GPR39: variants seen among roughly 807,000 people sequenced by gnomAD.
The protein encoded by GPR39 is zinc sensing receptor.
A neutral mutation model predicts 18.4 loss-of-function variants in GPR39; 23 were observed. That is an observed-to-expected ratio of 1.25 (90% confidence interval 0.90 to 1.77). The LOEUF (loss-of-function observed/expected upper bound fraction) is 1.77. GPR39 is among the 40% of genes most tolerant of loss of function. The pLI, the probability that GPR39 is intolerant of heterozygous loss-of-function variation, is 0.00. For missense variants in GPR39, 647 were observed against 602.4 expected (o/e 1.07, Z -0.78); for synonymous variants, 280 against 257.9 (o/e 1.09, Z -0.82).
chr2:132,416,854 G>T lies in GPR39; in HGVS notation c.-189G>T. The T allele has an allele frequency of 1.4e-6, 1 of 735,086 alleles. No individual in the cohort carries two copies. Among genetic ancestry groups the T allele is most frequent in the Non-Finnish European group, 2.2e-6 (1 of 457,932 alleles). The allele number at this position is 735,086 out of a possible 1,614,324, so 45.5% of individuals were successfully genotyped here. On this transcript the variant is annotated 5_prime_UTR_variant, in exon 1 of 2. It adds an upstream start codon to the 5' untranslated region. Coordinates refer to ENST00000329321, the MANE Select transcript of GPR39 (RefSeq NM_001508.3). The stretch of plus-strand genomic sequence containing the variant: ...CCAGGCGCCTCCTGGGCCTCTCCTA[G>T]GTTGGGCTGCTCCAGCAAGTTTCCA...
At chr2:132,499,226 G>T (rs1681706555) in intron 1 of GPR39, among the ~76,000 whole-genome samples, 1 of 152,134 alleles carries the variant, frequency 6.6e-6, no homozygotes, top group Non-Finnish European at 1.5e-5. Flanking sequence ...ATCTTGAGTG[G>T]ATTTTTATAT....
At chr2:132,629,703 A>G (rs1026644532) in intron 1 of GPR39, among the ~76,000 whole-genome samples, 1 of 152,222 alleles carries the variant, frequency 6.6e-6, no homozygotes, top group Admixed American at 6.5e-5. Context: ...TGTGTTGCTC[A>G]TAGTTTTCTA....
intron 1 of GPR39, among the ~76,000 whole-genome samples, chr2:132,578,674 A>G (rs987332411): frequency 6.6e-6 from 1 of 152,178 alleles, no homozygotes; most frequent in Admixed American, 6.5e-5. Context: ...CTTAACCACT[A>G]TTCACTCCAG....
At chr2:132,588,449 C>A (rs549707202) in intron 1 of GPR39, among the ~76,000 whole-genome samples, 41 of 152,330 alleles carry the variant, frequency 2.7e-4, no homozygotes, top group African/African-American at 8.4e-4. Flanking sequence ...TGTCTTGTTT[C>A]TGCTTTGTGA....
intron 1 of GPR39, among the ~76,000 whole-genome samples, chr2:132,565,171 G>A (rs904381591): frequency 3.9e-5 from 6 of 151,976 alleles, no homozygotes; most frequent in Non-Finnish European, 8.8e-5. Context: ...ATTTAGTGGC[G>A]TGACGATTAG....
At chr2:132,505,584 A>G (rs1233063455) in intron 1 of GPR39, among the ~76,000 whole-genome samples, 1 of 152,082 alleles carries the variant, frequency 6.6e-6, no homozygotes, top group African/African-American at 2.4e-5. Context: ...CCTGGTATCT[A>G]TCATTCTACT....
At chr2:132,582,984 C>G (rs1377021374) in intron 1 of GPR39, among the ~76,000 whole-genome samples, 1 of 143,380 alleles carries the variant, frequency 7.0e-6, no homozygotes, top group Non-Finnish European at 1.5e-5. Context: ...GACACTATCA[C>G]AGCTCATTGC....
intron 1 of GPR39, among the ~76,000 whole-genome samples, chr2:132,563,519 C>T (rs367972025): frequency 6.2e-4 from 94 of 152,206 alleles, no homozygotes; most frequent in African/African-American, 2.2e-3. Flanking sequence ...TATAAAACTT[C>T]AGAGCATGTG....
At chr2:132,585,604 C>A (rs1038879301) in intron 1 of GPR39, among the ~76,000 whole-genome samples, 1 of 152,204 alleles carries the variant, frequency 6.6e-6, no homozygotes, top group African/African-American at 2.4e-5. Flanking sequence ...CCACGGGCTC[C>A]CTGCTCCGGC....
intron 1 of GPR39, among the ~76,000 whole-genome samples, chr2:132,458,877 C>T (rs1333452260): frequency 6.8e-6 from 1 of 147,784 alleles, no homozygotes; most frequent in Admixed American, 6.8e-5. Flanking sequence ...CTCTCTCCTC[C>T]CCAACTCATG....
chr2:132,600,790 G>A (rs892687248), intron 1 of GPR39, among the ~76,000 whole-genome samples: 15 of 151,400 alleles, frequency 9.9e-5, no homozygotes, highest in African/African-American at 3.4e-4. Context: ...TTTTGTTGTT[G>A]TTTAAAAAAA....
chr2:132,511,810 C>T (rs190160338), intron 1 of GPR39, among the ~76,000 whole-genome samples: 33 of 152,336 alleles, frequency 2.2e-4, no homozygotes, highest in South Asian at 6.2e-4. Context: ...GGCATTGTTG[C>T]TAATGTCATC....
At chr2:132,470,754 C>T (rs1180004612) in intron 1 of GPR39, among the ~76,000 whole-genome samples, 3 of 113,328 alleles carry the variant, frequency 2.6e-5, no homozygotes, top group South Asian at 3.1e-4. Flanking sequence ...AGGGAGGGCA[C>T]GGAAAGGCTT....
intron 1 of GPR39, among the ~76,000 whole-genome samples, chr2:132,478,764 T>C (rs1681176509): frequency 6.6e-6 from 1 of 152,230 alleles, no homozygotes; most frequent in Admixed American, 6.5e-5. Flanking sequence ...TCCAGAATTG[T>C]ATTTGAAATG....
At chr2:132,493,106 T>TAC (rs373080402) in intron 1 of GPR39, among the ~76,000 whole-genome samples, 1 of 122,232 alleles carries the variant, frequency 8.2e-6, no homozygotes, top group Non-Finnish European at 1.7e-5. Context: ...ACCATATATA[T>TAC]ACCATATATA....
intron 1 of GPR39, among the ~76,000 whole-genome samples, chr2:132,425,919 A>G (rs1223290632): frequency 6.6e-6 from 1 of 152,168 alleles, no homozygotes; most frequent in African/African-American, 2.4e-5. Flanking sequence ...CCTGGCCTAC[A>G]TGTTGAGAAC....
At chr2:132,487,803 G>GTT in intron 1 of GPR39, among the ~76,000 whole-genome samples, 1 of 152,166 alleles carries the variant, frequency 6.6e-6, no homozygotes, top group East Asian at 1.9e-4. Flanking sequence ...GAATGAGAAA[G>GTT]TTTACAGATA....
chr2:132,469,135 C>T (rs1024162453), intron 1 of GPR39, among the ~76,000 whole-genome samples: 3 of 152,190 alleles, frequency 2.0e-5, no homozygotes, highest in Admixed American at 1.3e-4. Context: ...TCCGTTGTGT[C>T]TTTCCCTTGG....
intron 1 of GPR39, among the ~76,000 whole-genome samples, chr2:132,601,101 G>T (rs1204006514): frequency 6.6e-6 from 1 of 151,988 alleles, no homozygotes; most frequent in African/African-American, 2.4e-5. Context: ...GAAGAGGCAG[G>T]AATTCTTCCT....
Sources: gnomAD v4.1 joint callset for allele counts (sites outside exome capture counted in the v4.1 genomes callset) on GRCh38, gnomAD v4.1.1 for gene constraint, MANE v1.5 for transcripts, NCBI Gene and HGNC (gene_info 2026-07-23, HGNC 2026-07-21) for gene names.